The following EIF3H variants were observed in gnomAD, a reference collection of about 807,000 sequenced individuals.
The protein encoded by EIF3H is eukaryotic translation initiation factor 3 subunit H.
In EIF3H, 26 loss-of-function variants were observed where a neutral mutation model predicts 44.2. The observed-to-expected ratio is 0.59, with a 90% confidence interval of 0.43 to 0.82. The LOEUF is 0.82. Ranked by LOEUF, EIF3H falls within the 40% of genes least tolerant of loss-of-function variation. The probability of loss-of-function intolerance (pLI) is 0.00; values close to 1 mark genes in which losing one functional copy is unlikely to be tolerated. For missense variants in EIF3H, 359 were observed against 432.8 expected, an observed-to-expected ratio of 0.83 and a Z score of 1.51; for synonymous variants, 166 against 151.9, an observed-to-expected ratio of 1.09 and a Z score of -0.68.
At chr8:116,733,882 T>TA (rs1283699881) in intron 1 of EIF3H, among the ~76,000 whole-genome samples, 1 of 152,286 alleles carries the variant, frequency 6.6e-6, no homozygotes, top group East Asian at 1.9e-4. Flanking sequence ...CACATTTTTG[T>TA]AAAAAATCTA....
intron 2 of EIF3H, among the ~76,000 whole-genome samples, chr8:116,698,143 T>C (rs368824068): frequency 6.6e-6 from 1 of 152,194 alleles, no homozygotes; most frequent in East Asian, 1.9e-4. Flanking sequence ...TCATGGCTAC[T>C]AGGTAGCTAC....
rs1365822367 is a variant in EIF3H, at chr8:116,748,522, G to A, written c.132+7144C>T. ...CAACACTCAAGCATTTACTAACCCA[G>A]TTTCTTCATGATTGATTTTCAAGAA... On this transcript the variant is annotated intron_variant, in intron 1 of 7. Transcript: ENST00000521861. 5.3e-5 allele frequency among the ~76,000 whole-genome samples: 8 copies of A among 152,190 alleles called. No homozygotes were observed. In the South Asian group the frequency reaches 1.2e-3, roughly 24 times the overall value.
intron 2 of EIF3H, among the ~76,000 whole-genome samples, chr8:116,675,453 C>T (rs1022557383): frequency 4.6e-5 from 7 of 152,154 alleles, no homozygotes; most frequent in African/African-American, 7.2e-5. Context: ...CACAGTGCCC[C>T]GGCCTCTATC....
chr8:116,710,074 T>A (rs748717866), intron 2 of EIF3H, among the ~76,000 whole-genome samples: 1 of 152,200 alleles, frequency 6.6e-6, no homozygotes, highest in African/African-American at 2.4e-5. Flanking sequence ...TTCCTTTCCA[T>A]GCTCTTTTCT....
At chr8:116,727,962 G>A (rs1814879406) in intron 1 of EIF3H, among the ~76,000 whole-genome samples, 1 of 152,166 alleles carries the variant, frequency 6.6e-6, no homozygotes, top group African/African-American at 2.4e-5. Context: ...AACATGTGAA[G>A]ATACTGGTAC....
intron 1 of EIF3H, among the ~76,000 whole-genome samples, chr8:116,749,104 C>T (rs924143087): frequency 6.6e-6 from 1 of 151,968 alleles, no homozygotes; most frequent in African/African-American, 2.4e-5. Flanking sequence ...AATAAGATAA[C>T]TTAAAGGGGA....
intron 2 of EIF3H, chr8:116,697,214 A>G (rs7004565): frequency 0.077 from 34,916 of 456,142 alleles, 2,341 homozygotes; most frequent in African/African-American, 0.24. Context: ...GGGTTGACAG[A>G]TCACCCCAAA....
At position 116,743,817 on chromosome 8, in the gene EIF3H, C is replaced by T. The variant is rs1379184847; in HGVS notation, c.132+11849G>A. Among the ~76,000 whole-genome samples the T allele has an allele frequency of 2.2e-3, 273 of 123,210 alleles. 2 individuals are homozygous for T. The highest frequency in any genetic ancestry group is 7.4e-3 in the African/African-American group (224 of 30,396). The allele number at this position is 123,210 out of a possible 152,430, so 80.8% of individuals were successfully genotyped here. On this transcript the variant is annotated intron_variant, in intron 1 of 7. Coordinates refer to ENST00000521861, the MANE Select transcript of EIF3H (RefSeq NM_003756.3). ...ATATATAAACACACACACACACACA[C>T]ACACACACACACACACACACATATA... is the stretch of plus-strand genomic sequence containing the variant.
chr8:116,745,506 T>C (rs1815216978), intron 1 of EIF3H, among the ~76,000 whole-genome samples: 1 of 152,230 alleles, frequency 6.6e-6, no homozygotes, highest in Admixed American at 6.5e-5. Flanking sequence ...CTAGCATATA[T>C]GTCACGAACA....
At chr8:116,692,680 A>G (rs1447189678) in intron 2 of EIF3H, among the ~76,000 whole-genome samples, 2 of 152,216 alleles carry the variant, frequency 1.3e-5, no homozygotes, top group Non-Finnish European at 2.9e-5. Flanking sequence ...CACTCAGATT[A>G]TATTTTCACT....
chr8:116,701,986 T>TTGCAAAA, intron 2 of EIF3H, among the ~76,000 whole-genome samples: 1 of 152,006 alleles, frequency 6.6e-6, no homozygotes, highest in South Asian at 2.1e-4. Context: ...GCAAGTTCTG[T>TTGCAAAA]AAATCTAAAT....
intron 1 of EIF3H, among the ~76,000 whole-genome samples, chr8:116,751,223 A>AAAATG (rs1327828229): frequency 1.2e-4 from 17 of 147,432 alleles, no homozygotes; most frequent in Non-Finnish European, 2.2e-4. Context: ...AAAAAAAAAT[A>AAAATG]AAATAAAATA....
At chr8:116,669,673 G>C (rs1813721929) in intron 2 of EIF3H, among the ~76,000 whole-genome samples, 1 of 152,126 alleles carries the variant, frequency 6.6e-6, no homozygotes, top group Admixed American at 6.5e-5. Context: ...TTAAAAAATA[G>C]TATCAAAGAT....
At chr8:116,722,682 A>T (rs1814770548) in intron 2 of EIF3H, among the ~76,000 whole-genome samples, 1 of 152,190 alleles carries the variant, frequency 6.6e-6, no homozygotes, top group African/African-American at 2.4e-5. Flanking sequence ...AAGCAGAGAA[A>T]ACTGGCAGGA....
intron 2 of EIF3H, among the ~76,000 whole-genome samples, chr8:116,677,316 A>T (rs986048737): frequency 1.5e-4 from 21 of 143,936 alleles, no homozygotes; most frequent in Non-Finnish European, 2.6e-4. Flanking sequence ...TTGCAATCAA[A>T]TACATTTTCA....
intron 2 of EIF3H, among the ~76,000 whole-genome samples, chr8:116,715,479 G>T (rs1814647112): frequency 6.6e-6 from 1 of 152,000 alleles, no homozygotes; most frequent in South Asian, 2.1e-4. Context: ...TGAATTTTAG[G>T]AGTACAAGGC....
intron 2 of EIF3H, among the ~76,000 whole-genome samples, chr8:116,691,673 G>C (rs1351167870): frequency 1.3e-5 from 2 of 152,020 alleles, no homozygotes. Context: ...CCAGGAGTTC[G>C]AGACCAGCCT....
At chr8:116,667,617 C>A (rs1216529978) in intron 2 of EIF3H, among the ~76,000 whole-genome samples, 1 of 152,282 alleles carries the variant, frequency 6.6e-6, no homozygotes, top group East Asian at 1.9e-4. Flanking sequence ...GAAGTGAGCA[C>A]TAAACATTCA....
chr8:116,722,200 G>A (rs1166199880), intron 2 of EIF3H, among the ~76,000 whole-genome samples: 1 of 152,122 alleles, frequency 6.6e-6, no homozygotes, highest in Non-Finnish European at 1.5e-5. Flanking sequence ...TAAGCCTCAC[G>A]AGATCTGATG....
Sources: gnomAD v4.1 joint callset for allele counts (sites outside exome capture counted in the v4.1 genomes callset) on GRCh38, gnomAD v4.1.1 for gene constraint, MANE v1.5 for transcripts, NCBI Gene and HGNC (gene_info 2026-07-23, HGNC 2026-07-21) for gene names.